NAV3: variants seen among roughly 807,000 people sequenced by gnomAD.
The protein encoded by NAV3 is pore membrane and/or filament interacting like protein 1.
In NAV3, 87 loss-of-function variants were observed where a neutral mutation model predicts 244.7. The observed-to-expected ratio is 0.36, with a 90% CI of 0.30 to 0.42. NAV3 has a LOEUF of 0.42. Among genes scored for constraint, NAV3 ranks in the 20% least tolerant of loss-of-function variants. The pLI is 1.00. For missense variants in NAV3, 2,663 were observed against 2,893.3 expected, an observed-to-expected ratio of 0.92 and a Z score of 1.83; for synonymous variants, 1,126 against 1,042.2, an observed-to-expected ratio of 1.08 and a Z score of -1.55.
intron 12 of NAV3, among the ~76,000 whole-genome samples, chr12:78,110,784 A>G (rs931836534): frequency 2.0e-5 from 3 of 152,064 alleles, no homozygotes; most frequent in African/African-American, 7.2e-5. Context: ...CCATTCCATT[A>G]TACATATTCC....
intron 20 of NAV3, among the ~76,000 whole-genome samples, chr12:78,144,017 T>G (rs1367090598): frequency 6.6e-6 from 1 of 152,020 alleles, no homozygotes; most frequent in Non-Finnish European, 1.5e-5. Flanking sequence ...CCAAGGAAGA[T>G]CATGTGACTA....
chr12:77,710,865 T>A (rs188472058), intron 2 of NAV3, among the ~76,000 whole-genome samples: 16 of 152,340 alleles, frequency 1.1e-4, no homozygotes, highest in Admixed American at 6.5e-4. Flanking sequence ...TGGCAAAATT[T>A]ATTTGAGCTT....
intron 12 of NAV3, among the ~76,000 whole-genome samples, chr12:78,068,625 A>T (rs903905696): frequency 4.7e-5 from 7 of 147,394 alleles, no homozygotes; most frequent in South Asian, 2.1e-4. Context: ...ATATATAATT[A>T]TATATAATTA....
intron 28 of NAV3, among the ~76,000 whole-genome samples, chr12:78,178,618 A>T (rs1350376366): frequency 6.6e-6 from 1 of 152,088 alleles, no homozygotes; most frequent in Non-Finnish European, 1.5e-5. Context: ...TCTCTGTGTT[A>T]TTTACTATTT....
intron 10 of NAV3, 103 bp from the exon 11 acceptor site, chr12:78,050,661 T>C: frequency 8.1e-7 from 1 of 1,231,848 alleles, no homozygotes; most frequent in Non-Finnish European, 1.1e-6. Context: ...ATGACGTGTT[T>C]ATAAGAGATG....
intron 2 of NAV3, among the ~76,000 whole-genome samples, chr12:77,746,085 A>G (rs1193960199): frequency 6.6e-6 from 1 of 151,868 alleles, no homozygotes; most frequent in Admixed American, 6.6e-5. Context: ...TAATAACTGT[A>G]TTAAAATAGC....
intron 2 of NAV3, among the ~76,000 whole-genome samples, chr12:77,731,891 A>T (rs1877141412): frequency 6.6e-6 from 1 of 152,000 alleles, no homozygotes; most frequent in South Asian, 2.1e-4. Context: ...GACTTAAGTT[A>T]CCAGGGGCAG....
intron 1 of NAV3, among the ~76,000 whole-genome samples, chr12:77,891,232 G>C (rs910988309): frequency 6.7e-6 from 1 of 148,770 alleles, no homozygotes; most frequent in African/African-American, 2.5e-5. Flanking sequence ...AATTTATAAA[G>C]ATAAATTTAT....
chr12:77,911,435 TG>T (rs535634976), intron 1 of NAV3, among the ~76,000 whole-genome samples: 382 of 152,278 alleles, frequency 2.5e-3, no homozygotes, highest in African/African-American at 8.3e-3. Flanking sequence ...ATCTTATGTC[TG>T]TGCTTCTGTT....
intron 1 of NAV3, among the ~76,000 whole-genome samples, chr12:77,925,231 C>T (rs1888078566): frequency 6.6e-6 from 1 of 152,030 alleles, no homozygotes; most frequent in African/African-American, 2.4e-5. Flanking sequence ...TTTTGAAGGT[C>T]AACTTTAATC....
chr12:77,732,198 G>T (rs1877154352), intron 2 of NAV3, among the ~76,000 whole-genome samples: 1 of 152,000 alleles, frequency 6.6e-6, no homozygotes, highest in Non-Finnish European at 1.5e-5. Flanking sequence ...ATGTGCAGAA[G>T]TTATGAAGTG....
chr12:78,049,542 C>T lies in NAV3; in HGVS notation c.2024-451C>T, dbSNP rs188961376. 1.2e-3 allele frequency among the ~76,000 whole-genome samples: 186 copies of T among 152,322 alleles called. 1 individual carries two copies. Among genetic ancestry groups the T allele is most frequent in the African/African-American group, 4.4e-3 (181 of 41,580 alleles). On this transcript the variant is annotated intron_variant, in intron 9 of 39. Transcript: ENST00000397909. The stretch of plus-strand genomic sequence containing the variant: ...GCTCACCCTCTGTGGGCTGCACCCA[C>T]TGTCTAATCAGTCACTGTGAGATGA...
intron 3 of NAV3, among the ~76,000 whole-genome samples, chr12:77,957,347 G>A (rs1891459984): frequency 6.6e-6 from 1 of 152,174 alleles, no homozygotes; most frequent in African/African-American, 2.4e-5. Flanking sequence ...AGTGTTAAGT[G>A]TTGTGCCATG....
chr12:77,971,657 A>G (rs1451526770), intron 5 of NAV3, among the ~76,000 whole-genome samples: 1 of 152,102 alleles, frequency 6.6e-6, no homozygotes, highest in Non-Finnish European at 1.5e-5. Flanking sequence ...TGACAAATTT[A>G]TCTTCATTTG....
intron 22 of NAV3, among the ~76,000 whole-genome samples, chr12:78,153,419 G>A (rs979727350): frequency 6.6e-5 from 10 of 151,998 alleles, no homozygotes; most frequent in African/African-American, 2.4e-4. Context: ...CGGTTATATT[G>A]GCAGGTCCTA....
chr12:78,138,984 AG>A (rs964164619), intron 19 of NAV3, among the ~76,000 whole-genome samples: 1 of 152,188 alleles, frequency 6.6e-6, no homozygotes, highest in Non-Finnish European at 1.5e-5. Context: ...ACATGTTCTA[AG>A]GTCATAAACA....
At chr12:77,713,518 G>A (rs1043058856) in intron 2 of NAV3, among the ~76,000 whole-genome samples, 1 of 152,156 alleles carries the variant, frequency 6.6e-6, no homozygotes, top group African/African-American at 2.4e-5. Context: ...GAAAGTGAAT[G>A]AATTCAGAAG....
At chr12:77,717,528 G>A (rs7315686) in intron 2 of NAV3, among the ~76,000 whole-genome samples, 2,522 of 152,054 alleles carry the variant, frequency 0.017, 71 homozygotes, top group African/African-American at 0.058. Flanking sequence ...ATTCATCAGT[G>A]GACATTTATG....
chr12:77,781,206 T>C (rs140644399), intron 2 of NAV3, among the ~76,000 whole-genome samples: 1 of 152,260 alleles, frequency 6.6e-6, no homozygotes, highest in Non-Finnish European at 1.5e-5. Context: ...GGACCTCTTT[T>C]CTCAGCCAAG....
Sources: allele counts gnomAD v4.1 joint callset (sites outside exome capture counted in the v4.1 genomes callset), GRCh38; gene constraint gnomAD v4.1.1; transcripts MANE v1.5; gene names NCBI Gene and HGNC (gene_info 2026-07-23, HGNC 2026-07-21).